ZBED6: variants seen among roughly 807,000 people sequenced by gnomAD.
The protein encoded by ZBED6 is zinc finger BED domain-containing protein 6.
In ZBED6, 40 loss-of-function variants were observed where a neutral mutation model predicts 58.4. That is an observed-to-expected ratio of 0.68 (90% confidence interval 0.53 to 0.89). ZBED6 has a LOEUF of 0.89. ZBED6 is among the 40% of genes least tolerant of loss of function. ZBED6 has a pLI of 0.00. For missense variants in ZBED6, 1,057 were observed against 1,003.9 expected, an observed-to-expected ratio of 1.05 and a Z score of -0.71; for synonymous variants, 439 against 350.6, an observed-to-expected ratio of 1.25 and a Z score of -2.82.
intron 9 of ZBED6, among the ~76,000 whole-genome samples, chr1:203,837,264 C>T (rs990835644): frequency 6.9e-6 from 1 of 145,420 alleles, no homozygotes; most frequent in Admixed American, 7.0e-5. Flanking sequence ...GCACTCCAGC[C>T]TGGGTGACAG....
intron 9 of ZBED6, among the ~76,000 whole-genome samples, chr1:203,837,303 A>C (rs574146593): frequency 1.3e-5 from 2 of 151,156 alleles, no homozygotes; most frequent in East Asian, 3.9e-4. Context: ...AAAAAAAAAA[A>C]AGGGTTCTTT....
chr1:203,839,144 T>G (rs1685298590), intron 10 of ZBED6, among the ~76,000 whole-genome samples: 1 of 152,022 alleles, frequency 6.6e-6, no homozygotes, highest in African/African-American at 2.4e-5. Context: ...TGGCATAGAT[T>G]TGGTATTTTG....
chr1:203,795,901 A>G (rs1446601241), exon 1 of ZBED6: 1 of 151,224 alleles, frequency 6.6e-6, no homozygotes, highest in East Asian at 2.0e-4. Flanking sequence ...GTCGCGGCCT[A>G]TCCCGGGAAG....
chr1:203,851,210 T>A, intron 16 of ZBED6, 86 bp downstream of exon 16: 1 of 1,200,224 alleles, frequency 8.3e-7, no homozygotes, highest in Non-Finnish European at 1.2e-6. Context: ...TAAATAACTT[T>A]AGCAACATTC....
chr1:203,799,919 C>G, exon 1 of ZBED6: 2 of 1,536,102 alleles, frequency 1.3e-6, no homozygotes, highest in Middle Eastern at 1.7e-4. Flanking sequence ...CAGAAGAGGT[C>G]TGTAATTATA....
exon 15 of ZBED6, chr1:203,850,544 G>T: frequency 6.2e-7 from 1 of 1,613,948 alleles, no homozygotes; most frequent in Non-Finnish European, 8.5e-7. Flanking sequence ...GAAGCCATCT[G>T]TGGTTAAAGT....
Position 203,829,732 on chromosome 1 carries a change from T to G in ZBED6, c.*3202-48T>G, listed in dbSNP as rs753816186. 8.1e-6 allele frequency: 13 copies of G among 1,611,872 alleles called. No individual in the cohort carries two copies. In the East Asian group the frequency reaches 2.9e-4, roughly 36 times the overall value. ...AATTGGGCAGAATCAGGATTAAAGCTATAGGCGTATTTTTAATTGTGAATT... is the reference window on the plus strand; with the variant it reads ...AATTGGGCAGAATCAGGATTAAAGCGATAGGCGTATTTTTAATTGTGAATT... On this transcript the variant is annotated intron_variant, in intron 5 of 16. Transcript: ENST00000550078.
At chr1:203,849,353 C>A (rs894282451) in intron 13 of ZBED6, among the ~76,000 whole-genome samples, 1 of 152,136 alleles carries the variant, frequency 6.6e-6, no homozygotes, top group Non-Finnish European at 1.5e-5. Context: ...CATGATTCTC[C>A]ATTATACAAA....
At chr1:203,847,629 G>A (rs200614562) in exon 12 of ZBED6, 799 of 1,613,130 alleles carry the variant, frequency 5.0e-4, no homozygotes, top group Non-Finnish European at 6.2e-4. Flanking sequence ...CCAGCTCCCC[G>A]TCTCAACACG....
intron 3 of ZBED6, among the ~76,000 whole-genome samples, chr1:203,819,795 A>G (rs995726007): frequency 1.3e-5 from 2 of 150,064 alleles, no homozygotes; most frequent in Non-Finnish European, 3.0e-5. Flanking sequence ...CGGCCTCCCA[A>G]AGTGCTGGGA....
At chr1:203,814,331 C>T (rs894915262) in intron 1 of ZBED6, among the ~76,000 whole-genome samples, 1 of 152,152 alleles carries the variant, frequency 6.6e-6, no homozygotes, top group Admixed American at 6.6e-5. Context: ...CAAGACCAGC[C>T]TGGCCAACAT....
intron 3 of ZBED6, among the ~76,000 whole-genome samples, chr1:203,823,897 A>C (rs1034544711): frequency 5.3e-5 from 8 of 152,198 alleles, no homozygotes; most frequent in African/African-American, 1.9e-4. Flanking sequence ...TTAAAGGGGA[A>C]ACTAATTTAT....
chr1:203,818,716 A>G (rs1677190992), intron 3 of ZBED6, 27 bp downstream of exon 3: 2 of 1,613,784 alleles, frequency 1.2e-6, no homozygotes, highest in Non-Finnish European at 1.7e-6. Context: ...CGTTATCATA[A>G]TAAGTAGTCT....
chr1:203,839,174 G>A (rs192132178), intron 10 of ZBED6, among the ~76,000 whole-genome samples: 6 of 152,128 alleles, frequency 3.9e-5, no homozygotes, highest in Admixed American at 3.3e-4. Context: ...TTGGAGACGT[G>A]GACTAAATCA....
chr1:203,850,912 A>G, intron 15 of ZBED6, 145 bp from the exon 16 acceptor site: 7 of 1,199,070 alleles, frequency 5.8e-6, no homozygotes, highest in South Asian at 5.8e-5. Flanking sequence ...GCTTATTTAT[A>G]TACTCAACCT....
chr1:203,837,721 T>C (rs1349905904), intron 9 of ZBED6, among the ~76,000 whole-genome samples: 2 of 152,130 alleles, frequency 1.3e-5, no homozygotes, highest in Non-Finnish European at 2.9e-5. Flanking sequence ...TAAGTGATCC[T>C]CCTGCCTTGA....
chr1:203,817,985 G>A (rs1482196140), intron 2 of ZBED6, among the ~76,000 whole-genome samples: 2 of 151,978 alleles, frequency 1.3e-5, no homozygotes, highest in Admixed American at 6.6e-5. Flanking sequence ...CTGACCTTGT[G>A]ATCTGCCCGC....
chr1:203,846,871 G>A (rs919162167), intron 11 of ZBED6, among the ~76,000 whole-genome samples: 2 of 152,106 alleles, frequency 1.3e-5, no homozygotes, highest in African/African-American at 4.8e-5. Flanking sequence ...GGGCTTGGTG[G>A]TGGGTACCTG....
At chr1:203,805,386 C>T (rs1426897266) in intron 1 of ZBED6, among the ~76,000 whole-genome samples, 1 of 152,068 alleles carries the variant, frequency 6.6e-6, no homozygotes, top group African/African-American at 2.4e-5. Flanking sequence ...CTGCCTCAGC[C>T]TTTCAAAGTG....
Sources: allele counts gnomAD v4.1 joint callset (sites outside exome capture counted in the v4.1 genomes callset), GRCh38; gene constraint gnomAD v4.1.1; transcripts MANE v1.5; gene names NCBI Gene and HGNC (gene_info 2026-07-23, HGNC 2026-07-21).